Variants in LEF1 observed in about 807,000 individuals in gnomAD.
LEF1 encodes lymphoid enhancer-binding factor 1.
A neutral mutation model predicts 51.2 loss-of-function variants in LEF1; 14 were observed. That is an observed-to-expected ratio of 0.27 (90% CI 0.18 to 0.43). The LOEUF is 0.43. Ranked by LOEUF, LEF1 falls within the 20% of genes least tolerant of loss-of-function variation. LEF1 has a pLI of 1.00. For missense variants in LEF1, 386 were observed against 512.0 expected (o/e 0.75, Z 2.37); for synonymous variants, 185 against 183.2 (o/e 1.01, Z -0.08).
At chr4:108,063,534 T>A in intron 11 of LEF1, 89 bp downstream of exon 11, 1 of 989,204 alleles carries the variant, frequency 1.0e-6, no homozygotes. Context: ...CAATGTCGAA[T>A]GAACTCATTA....
chr4:108,075,623 A>C (rs1738806207), intron 8 of LEF1: 1 of 152,182 alleles, frequency 6.6e-6, no homozygotes, highest in South Asian at 2.1e-4. Flanking sequence ...AATTAGAGAA[A>C]CTCAAACTTT....
intron 8 of LEF1, among the ~76,000 whole-genome samples, chr4:108,077,419 TGGGAAGTGAGGGGCACCTCTGCCC>T (rs1738944278): frequency 6.8e-6 from 1 of 146,184 alleles, no homozygotes; most frequent in Non-Finnish European, 1.5e-5. Flanking sequence ...CCGCCCCGTC[TGGGAAGTGAGGGGCACCTCTGCCC>T]GGCTGCCGCC....
intron 11 of LEF1, among the ~76,000 whole-genome samples, chr4:108,051,746 CT>C (rs1399937304): frequency 6.6e-6 from 1 of 152,192 alleles, no homozygotes; most frequent in Non-Finnish European, 1.5e-5. Flanking sequence ...CCGAACCCCC[CT>C]GATGCTCTCC....
In LEF1 at chr4:108,081,281, T is replaced by C. The variant is rs547562167; in HGVS notation, c.722+305A>G. Among the ~76,000 whole-genome samples the C allele has an allele frequency of 2.0e-5, 3 of 152,282 alleles. No homozygotes were observed. The East Asian group carries it at 5.8e-4, about 29-fold the overall frequency. ...TGAATCAAACAAACTCTTCTTGTAA[T>C]GTCCGCTTTCCGGACAGTTCCCATC... is the stretch of plus-strand genomic sequence containing the variant. On this transcript the variant is annotated intron_variant, in intron 6 of 11. Coordinates refer to ENST00000265165, the MANE Select transcript of LEF1 (RefSeq NM_016269.5).
At chr4:108,136,733 A>T (rs1391644341) in intron 3 of LEF1, among the ~76,000 whole-genome samples, 1 of 152,148 alleles carries the variant, frequency 6.6e-6, no homozygotes, top group East Asian at 1.9e-4. Flanking sequence ...CTTTTTCTTT[A>T]AAAAACATAA....
At chr4:108,149,075 AT>A (rs1226708940) in intron 3 of LEF1, among the ~76,000 whole-genome samples, 3 of 152,244 alleles carry the variant, frequency 2.0e-5, no homozygotes, top group Non-Finnish European at 2.9e-5. Context: ...TTGAACCATT[AT>A]TTCATGAATA....
chr4:108,118,833 G>A (rs778036175), intron 3 of LEF1, among the ~76,000 whole-genome samples: 6 of 151,974 alleles, frequency 3.9e-5, no homozygotes, highest in Non-Finnish European at 5.9e-5. Flanking sequence ...AACACACAAC[G>A]TCCACCAGAC....
chr4:108,162,412 T>A (rs1214207360), intron 3 of LEF1, among the ~76,000 whole-genome samples: 3 of 152,220 alleles, frequency 2.0e-5, no homozygotes, highest in Non-Finnish European at 4.4e-5. Flanking sequence ...TTATGTGTAA[T>A]GATAACCACA....
chr4:108,118,932 CTA>C (rs1363222997), intron 3 of LEF1, among the ~76,000 whole-genome samples: 1 of 151,636 alleles, frequency 6.6e-6, no homozygotes, highest in East Asian at 1.9e-4. Flanking sequence ...AACTTTCTAA[CTA>C]TTTTTTTTTC....
At chr4:108,064,217 G>C in intron 10 of LEF1, 119 bp downstream of exon 10, 1 of 630,640 alleles carries the variant, frequency 1.6e-6, no homozygotes, top group Non-Finnish European at 2.8e-6. Context: ...AGAAAAAGCA[G>C]AGTTAAAGCA....
intron 3 of LEF1, among the ~76,000 whole-genome samples, chr4:108,119,085 CA>C (rs1267989944): frequency 6.7e-6 from 1 of 150,142 alleles, no homozygotes; most frequent in Non-Finnish European, 1.5e-5. Flanking sequence ...TTTTAAAAAA[CA>C]TTTTTTTTCA....
chr4:108,134,427 C>T lies in LEF1; in HGVS notation c.414+29141G>A, dbSNP rs371232831. ...AGGGCTAGAATAGGGCTCTACTGCTCATCCAGAGCAGCTTTCTTTCTTTAT... is the reference window on the plus strand; with the variant it reads ...AGGGCTAGAATAGGGCTCTACTGCTTATCCAGAGCAGCTTTCTTTCTTTAT... On this transcript the variant is annotated intron_variant, in intron 3 of 11. Transcript: ENST00000265165. Among the ~76,000 whole-genome samples, 13 of 152,190 alleles carry T rather than the reference C, an allele frequency of 8.5e-5. No homozygotes were observed. The East Asian group carries it at 1.3e-3, about 16-fold the overall frequency.
At chr4:108,123,430 TG>T (rs1350181261) in intron 3 of LEF1, among the ~76,000 whole-genome samples, 4 of 127,580 alleles carry the variant, frequency 3.1e-5, no homozygotes, top group African/African-American at 6.0e-5. Flanking sequence ...CTGCTAGGGT[TG>T]GTTTTTTTTT....
At chr4:108,052,239 T>G (rs1211202500) in intron 11 of LEF1, among the ~76,000 whole-genome samples, 1 of 152,130 alleles carries the variant, frequency 6.6e-6, no homozygotes, top group Admixed American at 6.5e-5. Context: ...AGGAACAAAA[T>G]GCACCCCTGC....
At chr4:108,089,676 CA>C (rs890524799) in intron 3 of LEF1, among the ~76,000 whole-genome samples, 6 of 152,100 alleles carry the variant, frequency 3.9e-5, no homozygotes, top group Admixed American at 6.5e-5. Context: ...GCACAAAAAG[CA>C]AAAAACTGTC....
intron 3 of LEF1, among the ~76,000 whole-genome samples, chr4:108,092,571 A>C (rs1391336840): frequency 6.6e-6 from 1 of 152,196 alleles, no homozygotes; most frequent in Non-Finnish European, 1.5e-5. Context: ...TGGCACTGCT[A>C]CTTTGGTTAA....
intron 3 of LEF1, among the ~76,000 whole-genome samples, chr4:108,098,096 T>C (rs1488322825): frequency 6.6e-6 from 1 of 152,110 alleles, no homozygotes. Flanking sequence ...CTGAATAGGC[T>C]CAACAAGGTT....
intron 3 of LEF1, among the ~76,000 whole-genome samples, chr4:108,160,006 C>T (rs916983970): frequency 1.3e-5 from 2 of 152,174 alleles, no homozygotes; most frequent in African/African-American, 4.8e-5. Flanking sequence ...GACTGAGCTG[C>T]AACGTTTGCT....
intron 3 of LEF1, among the ~76,000 whole-genome samples, chr4:108,123,058 C>A (rs985608767): frequency 2.0e-5 from 3 of 152,036 alleles, no homozygotes; most frequent in African/African-American, 7.2e-5. Flanking sequence ...TTTTCTTTTT[C>A]TTTACTGTAA....
Sources: allele counts gnomAD v4.1 joint callset (sites outside exome capture counted in the v4.1 genomes callset), GRCh38; gene constraint gnomAD v4.1.1; transcripts MANE v1.5; gene names NCBI Gene and HGNC (gene_info 2026-07-23, HGNC 2026-07-21).